Variants in POTEF observed in about 807,000 individuals in gnomAD.
The protein encoded by POTEF is ANKRD26-like family C member 1B.
A neutral mutation model predicts 83.2 loss-of-function variants in POTEF; 20 were observed. The ratio of observed to expected loss-of-function variants is 0.24; its 90% CI spans 0.17 to 0.35. The LOEUF (loss-of-function observed/expected upper bound fraction) is 0.35. Among genes scored for constraint, POTEF ranks in the 10% least tolerant of loss-of-function variants. The pLI, the probability that POTEF is intolerant of heterozygous loss-of-function variation, is 1.00. For missense variants in POTEF, 550 were observed against 1,203.2 expected (o/e 0.46, Z 8.03); for synonymous variants, 196 against 446.4 (o/e 0.44, Z 7.07).
intron 7 of POTEF, among the ~76,000 whole-genome samples, chr2:130,110,304 G>A (rs1020275226): frequency 2.0e-5 from 3 of 149,400 alleles, no homozygotes; most frequent in African/African-American, 7.5e-5. Context: ...AACAATGCTG[G>A]GATCTCTAAG....
chr2:130,075,071 G>A lies in POTEF; in HGVS notation c.2401C>T (p.His801Tyr). 2 of 1,613,852 alleles carry A rather than the reference G, an allele frequency of 1.2e-6. No homozygotes were observed. The highest frequency in any genetic ancestry group is 1.7e-6 in the Non-Finnish European group (2 of 1,179,968). Residue 801 changes from histidine (H) to tyrosine (Y), a missense_variant, in exon 17 of 17, where the codon CAC becomes TAC. By Grantham distance (83) the His-to-Tyr change is moderately conservative. Transcript: ENST00000409914. ...GTGGCCTCGGTCAGCAGGACGGGGTGCTCCTCGGGAGCCACACGCAGCTCG... is the reference window on the plus strand; with the variant it reads ...GTGGCCTCGGTCAGCAGGACGGGGTACTCCTCGGGAGCCACACGCAGCTCG... The part of the protein sequence containing the change: ...YNELRVAPEE[H>Y]PVLLTEATLN...
At chr2:130,126,701 T>C (rs1685100241) in intron 2 of POTEF, among the ~76,000 whole-genome samples, 1 of 152,044 alleles carries the variant, frequency 6.6e-6, no homozygotes, top group Non-Finnish European at 1.5e-5. Context: ...AGTAACTAAT[T>C]ATACAACTGA....
chr2:130,120,600 G>T lies in POTEF; in HGVS notation c.-85C>A. 1.3e-6 allele frequency: 2 copies of T among 1,595,794 alleles called. No homozygotes were observed. Among genetic ancestry groups the T allele is most frequent in the African/African-American group, 2.7e-5 (2 of 74,306 alleles). On this transcript the variant is annotated 5_prime_UTR_variant, in exon 3 of 17. Coordinates refer to ENST00000409914, the MANE Select transcript of POTEF (RefSeq NM_001099771.2). ...TTCACCAACTAGCAGGTAACTCCGG[G>T]TTTCCAATCTGTTTGAAGAGAAAAG...
At chr2:130,122,282 G>A (rs141476323) in intron 2 of POTEF, among the ~76,000 whole-genome samples, 2,208 of 150,534 alleles carry the variant, frequency 0.015, 80 homozygotes, top group African/African-American at 0.052. Flanking sequence ...TATGTGTAAG[G>A]CATTTGTTTT....
chr2:130,083,271 G>A (rs1381518709), intron 15 of POTEF, among the ~76,000 whole-genome samples: 1 of 151,852 alleles, frequency 6.6e-6, no homozygotes, highest in Non-Finnish European at 1.5e-5. Context: ...TGAGGCAGAG[G>A]TTGCAATGAG....
intron 8 of POTEF, among the ~76,000 whole-genome samples, chr2:130,103,324 C>CT (rs1450598044): frequency 6.6e-6 from 1 of 150,468 alleles, no homozygotes; most frequent in Non-Finnish European, 1.5e-5. Flanking sequence ...TGGTCCTGAT[C>CT]TTTTGACCTT....
At chr2:130,128,908 G>C (rs1448085611) in intron 1 of POTEF, among the ~76,000 whole-genome samples, 164 bp downstream of exon 1, 1 of 95,848 alleles carries the variant, frequency 1.0e-5, no homozygotes, top group Admixed American at 1.2e-4. Context: ...GTGTAGCCCC[G>C]GACAGCCAGC....
intron 15 of POTEF, among the ~76,000 whole-genome samples, chr2:130,085,353 GAACTA>G (rs1363929490): frequency 6.7e-6 from 1 of 149,052 alleles, no homozygotes; most frequent in African/African-American, 2.5e-5. Flanking sequence ...TCATTAGTGG[GAACTA>G]AACATGAGAA....
intron 13 of POTEF, among the ~76,000 whole-genome samples, chr2:130,087,577 C>A (rs1404264778): frequency 1.2e-5 from 1 of 81,502 alleles, no homozygotes; most frequent in Non-Finnish European, 2.3e-5. Context: ...TCTATTGATT[C>A]TTCTGTTAAT....
intron 2 of POTEF, among the ~76,000 whole-genome samples, chr2:130,123,148 T>TA (rs538268628): frequency 0.03 from 3,965 of 133,896 alleles, 155 homozygotes; most frequent in African/African-American, 0.098. Context: ...AGTTGTTATT[T>TA]AAAAAAAAAC....
intron 2 of POTEF, chr2:130,120,809 C>A (rs1479462128): frequency 1.9e-6 from 1 of 532,380 alleles, no homozygotes; most frequent in South Asian, 2.1e-5. Flanking sequence ...AATGCCAAAC[C>A]CAGCAGAGAA....
chr2:130,120,815 G>A (rs1573617732), intron 2 of POTEF: 4 of 510,330 alleles, frequency 7.8e-6, no homozygotes, highest in East Asian at 7.1e-5. Flanking sequence ...AAACCCAGCA[G>A]AGAAAAGGTC....
intron 2 of POTEF, among the ~76,000 whole-genome samples, chr2:130,127,491 C>A (rs1185368321): frequency 6.6e-6 from 1 of 150,740 alleles, no homozygotes; most frequent in Admixed American, 6.6e-5. Context: ...AAGTGCACCT[C>A]CACCACTGCC....
chr2:130,119,258 G>A (rs1382129021), intron 3 of POTEF, among the ~76,000 whole-genome samples: 1 of 151,352 alleles, frequency 6.6e-6, no homozygotes, highest in Non-Finnish European at 1.5e-5. Context: ...CCACCTCCCG[G>A]GTTCACGCCA....
rs371423176 is a variant in POTEF at position 130,122,536 on chromosome 2, C to A, written c.-93-1928G>T. ...TCGTTTTTCAGCATCTTTTGTGGTT[C>A]CATTCAGATTTTAGGACTAATTTTT... On this transcript the variant is annotated intron_variant, in intron 2 of 16. Transcript: ENST00000409914. 5.6e-3 allele frequency among the ~76,000 whole-genome samples: 781 copies of A among 140,360 alleles called. 6 individuals are homozygous for A. The highest frequency in any genetic ancestry group is 0.021 in the African/African-American group (734 of 35,492). The allele number at this position is 140,360 out of a possible 152,430, so 92.1% of individuals were successfully genotyped here. A position where few individuals can be genotyped will look rare whatever the true frequency, so the allele number is the denominator to read the frequency against.
At chr2:130,076,674 G>A (rs1271494970) in intron 16 of POTEF, among the ~76,000 whole-genome samples, 5 of 145,256 alleles carry the variant, frequency 3.4e-5, no homozygotes, top group African/African-American at 7.9e-5. Context: ...TCCACAATGT[G>A]GCCTCTGACC....
At chr2:130,120,659 G>A in intron 2 of POTEF, 51 bp from the exon 3 acceptor site, 1 of 1,488,230 alleles carries the variant, frequency 6.7e-7, no homozygotes, top group Admixed American at 2.1e-5. Flanking sequence ...ACCCCAGCAG[G>A]GGATTCCAGC....
intron 7 of POTEF, chr2:130,109,402 C>A (rs1305428959): frequency 1.4e-5 from 2 of 143,102 alleles, no homozygotes; most frequent in Admixed American, 7.1e-5. Context: ...TCTGAGAATT[C>A]TCTTCAATGG....
chr2:130,112,167 G>A, intron 5 of POTEF, 66 bp from the exon 6 acceptor site: 1 of 1,232,654 alleles, frequency 8.1e-7, no homozygotes, highest in Non-Finnish European at 1.1e-6. Context: ...AACCGAAGTG[G>A]AAACTTTATA....
Sources: allele counts gnomAD v4.1 joint callset (sites outside exome capture counted in the v4.1 genomes callset), GRCh38; gene constraint gnomAD v4.1.1; transcripts MANE v1.5; gene names NCBI Gene and HGNC (gene_info 2026-07-23, HGNC 2026-07-21).